The following MELK variants were observed in gnomAD, a reference collection of about 807,000 sequenced individuals.
The protein encoded by MELK is pEg3 kinase.
MELK carries 81 observed loss-of-function variants against 85.0 expected under a neutral mutation model. The ratio of observed to expected loss-of-function variants is 0.95; its 90% CI spans 0.80 to 1.15. The LOEUF (loss-of-function observed/expected upper bound fraction) is 1.15, where lower values mean the gene tolerates loss of function less well. Ranked by LOEUF, MELK falls within the 50% of genes most tolerant of loss-of-function variation. MELK has a pLI of 0.00. For synonymous variants in MELK, 252 were observed against 265.0 expected (o/e 0.95, Z 0.48); for missense variants, 754 against 777.5 (o/e 0.97, Z 0.36).
intron 14 of MELK, among the ~76,000 whole-genome samples, chr9:36,667,069 T>G (rs1329329171): frequency 6.6e-6 from 1 of 152,124 alleles, no homozygotes; most frequent in Non-Finnish European, 1.5e-5. Flanking sequence ...CAGTACCCTT[T>G]GTGACTCATG....
chr9:36,649,727 C>G (rs1473910194), intron 11 of MELK, among the ~76,000 whole-genome samples: 1 of 151,984 alleles, frequency 6.6e-6, no homozygotes, highest in Non-Finnish European at 1.5e-5. Flanking sequence ...CGTGATTGCA[C>G]CATTGCACTC....
intron 10 of MELK, among the ~76,000 whole-genome samples, chr9:36,636,455 T>C (rs1829148426): frequency 6.6e-6 from 1 of 152,066 alleles, no homozygotes; most frequent in Non-Finnish European, 1.5e-5. Context: ...TGAGCCAAGA[T>C]TGCGCCATTG....
At chr9:36,573,937 C>T (rs77864761) in intron 1 of MELK, among the ~76,000 whole-genome samples, 3,167 of 152,158 alleles carry the variant, frequency 0.021, 50 homozygotes, top group Middle Eastern at 0.044. Context: ...AGAGAGGAAT[C>T]AGGTCCCTAG....
intron 7 of MELK, among the ~76,000 whole-genome samples, chr9:36,601,419 T>G (rs1247705131): frequency 1.3e-5 from 2 of 152,200 alleles, no homozygotes; most frequent in Non-Finnish European, 2.9e-5. Context: ...AATGTTTCTT[T>G]ATGATTAGAT....
intron 8 of MELK, among the ~76,000 whole-genome samples, chr9:36,622,157 G>A (rs2136246553): frequency 6.6e-6 from 1 of 152,226 alleles, no homozygotes; most frequent in East Asian, 1.9e-4. Flanking sequence ...TTTGCAAGTT[G>A]AAAATTGATT....
chr9:36,579,307 A>G (rs1007137797), intron 1 of MELK, among the ~76,000 whole-genome samples: 2 of 151,912 alleles, frequency 1.3e-5, no homozygotes, highest in African/African-American at 4.8e-5. Flanking sequence ...GATTACAGGC[A>G]TGAGCCACCG....
At chr9:36,587,416 G>T (rs993192082) in intron 3 of MELK, among the ~76,000 whole-genome samples, 2 of 150,056 alleles carry the variant, frequency 1.3e-5, no homozygotes, top group Non-Finnish European at 3.0e-5. Flanking sequence ...TCCTGGGTTC[G>T]AGCAATTCTC....
intron 7 of MELK, among the ~76,000 whole-genome samples, chr9:36,603,426 A>G (rs1825131066): frequency 6.6e-6 from 1 of 151,318 alleles, no homozygotes; most frequent in Non-Finnish European, 1.5e-5. Flanking sequence ...TCTTCCTCCC[A>G]ATTATTTTAT....
intron 11 of MELK, among the ~76,000 whole-genome samples, chr9:36,643,657 G>A (rs994261319): frequency 1.3e-5 from 2 of 151,984 alleles, no homozygotes; most frequent in African/African-American, 2.4e-5. Flanking sequence ...ACAACTGGCC[G>A]GGCACGGTGG....
At chr9:36,606,658 T>C (rs1047216891) in intron 7 of MELK, 32 of 146,688 alleles carry the variant, frequency 2.2e-4, no homozygotes, top group African/African-American at 6.5e-4. Flanking sequence ...GACACATATG[T>C]ATATGTATAT....
At chr9:36,606,246 T>C (rs1825466240) in intron 7 of MELK, among the ~76,000 whole-genome samples, 1 of 150,348 alleles carries the variant, frequency 6.7e-6, no homozygotes, top group Admixed American at 6.7e-5. Flanking sequence ...GCTGGTAGGC[T>C]AATTTCTAGT....
chr9:36,615,986 T>G (rs1196049781), intron 8 of MELK, among the ~76,000 whole-genome samples: 17 of 151,326 alleles, frequency 1.1e-4, no homozygotes, highest in South Asian at 2.1e-4. Context: ...CTCGGCACTT[T>G]GGGAGGCCAA....
chr9:36,670,155 T>G (rs550577455), intron 15 of MELK, among the ~76,000 whole-genome samples: 1 of 152,316 alleles, frequency 6.6e-6, no homozygotes, highest in East Asian at 1.9e-4. Flanking sequence ...TAACTGACCA[T>G]TTTTAGAACA....
chr9:36,665,095 T>C (rs1012726135), intron 13 of MELK, among the ~76,000 whole-genome samples: 6 of 152,212 alleles, frequency 3.9e-5, no homozygotes, highest in Non-Finnish European at 5.9e-5. Context: ...ATTCACAATA[T>C]TGCCTAGGAT....
chr9:36,628,863 CTTTT>C (rs869033969), intron 8 of MELK, among the ~76,000 whole-genome samples: 1 of 127,908 alleles, frequency 7.8e-6, no homozygotes. Flanking sequence ...TTTGTATTTT[CTTTT>C]TTTTTTTTTT....
intron 8 of MELK, among the ~76,000 whole-genome samples, chr9:36,619,670 G>C (rs745745965): frequency 6.6e-5 from 10 of 152,080 alleles, no homozygotes; most frequent in Non-Finnish European, 1.3e-4. Flanking sequence ...AAAATATGTA[G>C]AGAGTGGGGG....
At chr9:36,574,929 G>A (rs1821490654) in intron 1 of MELK, among the ~76,000 whole-genome samples, 1 of 152,072 alleles carries the variant, frequency 6.6e-6, no homozygotes, top group Admixed American at 6.6e-5. Flanking sequence ...GAGGTCAGGA[G>A]TTCAAGACCA....
At chr9:36,667,597 CAT>C (rs1832505849) in intron 14 of MELK, among the ~76,000 whole-genome samples, 1 of 152,110 alleles carries the variant, frequency 6.6e-6, no homozygotes, top group East Asian at 1.9e-4. Flanking sequence ...TATCAGTTGA[CAT>C]ATGTTGTCAT....
intron 4 of MELK, among the ~76,000 whole-genome samples, chr9:36,593,359 G>A (rs1047233682): frequency 6.6e-6 from 1 of 152,062 alleles, no homozygotes; most frequent in Non-Finnish European, 1.5e-5. Context: ...TGAGGGCAGA[G>A]CCCTTATGAA....
Sources: gnomAD v4.1 joint callset for allele counts (sites outside exome capture counted in the v4.1 genomes callset) on GRCh38, gnomAD v4.1.1 for gene constraint, MANE v1.5 for transcripts, NCBI Gene and HGNC (gene_info 2026-07-23, HGNC 2026-07-21) for gene names.